VWA7: variants seen among roughly 807,000 people sequenced by gnomAD.
VWA7 encodes von Willebrand factor A domain-containing protein 7.
VWA7 carries 66 observed loss-of-function variants against 83.1 expected under a neutral mutation model. The observed-to-expected ratio is 0.79, with a 90% CI of 0.65 to 0.98. The LOEUF (loss-of-function observed/expected upper bound fraction) is 0.98, where lower values mean the gene tolerates loss of function less well. Ranked by LOEUF, VWA7 falls within the 50% of genes least tolerant of loss-of-function variation. VWA7 has a pLI of 0.00. For synonymous variants in VWA7, 424 were observed against 488.5 expected (o/e 0.87, Z 1.74); for missense variants, 1,080 against 1,160.2 (o/e 0.93, Z 1.00).
Position 31,775,930 on chromosome 6 carries a change from A to AC in VWA7, c.513+33dup. 4.4e-6 allele frequency: 7 copies of AC among 1,574,690 alleles called. No homozygotes were observed. The highest frequency in any genetic ancestry group is 1.4e-5 in the African/African-American group (1 of 73,858). ...ATCCCGGACAGGCACGGAAGTGAAG[A>AC]CCCCTCTGACCATCAACCCAACCCT... On this transcript the variant is annotated intron_variant, in intron 3 of 16. Coordinates refer to ENST00000375688, the MANE Select transcript of VWA7 (RefSeq NM_025258.3). This position sits in a 1 kb window ranked among gnomAD's most constrained non-coding sequence, Gnocchi z 5.9.
chr6:31,766,682 G>C lies in VWA7; in HGVS notation c.1965C>G (p.His655Gln). Residue 655 changes from histidine to glutamine, a missense_variant, in exon 14 of 17, where the codon CAC becomes CAG. Transcript: ENST00000375688. The surrounding 1 kb of genome is among the most constrained non-coding windows in gnomAD (Gnocchi z 4.9). ...NPGDPQPHFS[H>Q]VILRGVPEGA... ...CCTCTGGGACCCCTCGAAGGATGACGTGGGAGAAATGCGGCTGAGGATCCC... is the reference window on the plus strand; with the variant it reads ...CCTCTGGGACCCCTCGAAGGATGACCTGGGAGAAATGCGGCTGAGGATCCC... 1 of 1,612,768 alleles carries C rather than the reference G, an allele frequency of 6.2e-7. No homozygotes were observed. The highest frequency in any genetic ancestry group is 1.1e-5 in the South Asian group (1 of 91,080).
In VWA7 at chr6:31,766,253, G is replaced by C; in HGVS notation, c.2316C>G (p.Asn772Lys). The change falls in exon 15 of 17, where the codon AAC (asparagine) becomes AAG (lysine). Residue 772 changes from asparagine (N) to lysine (K), a missense_variant. Asn to Lys is a moderately conservative substitution (Grantham distance 94). Coordinates refer to ENST00000375688, the MANE Select transcript of VWA7 (RefSeq NM_025258.3). This position sits in a 1 kb window ranked among gnomAD's most constrained non-coding sequence, Gnocchi z 4.9. ...GGGTTCATGAGCCTCACCTGGAGAG[G>C]TTGGAGGTGAGGGAGAAGCTGGGGT... ...FVNPSFSLTS[N>K]LSRAHLELNE... 6.2e-7 allele frequency: 1 copy of C among 1,612,358 alleles called. No homozygotes were observed. Among genetic ancestry groups the C allele is most frequent in the Non-Finnish European group, 8.5e-7 (1 of 1,179,932 alleles).
Position 31,765,673 on chromosome 6 carries a change from C to A in VWA7, c.2597G>T (p.Gly866Val). 1 of 1,604,158 alleles carries A rather than the reference C, an allele frequency of 6.2e-7. No individual in the cohort carries two copies. Among genetic ancestry groups the A allele is most frequent in the Non-Finnish European group, 8.5e-7 (1 of 1,175,932 alleles). Reference sequence around the variant, plus strand: ...GGGGCTGCCCGCAGCCAGCCCTGCCCCAGCCCTGCCTTGAGTCACCAATGT... The same window carrying A: ...GGGGCTGCCCGCAGCCAGCCCTGCCACAGCCCTGCCTTGAGTCACCAATGT... Reference protein sequence around the residue: ...PFTLVTQGRAGAGLAAGSPWW... With the variant: ...PFTLVTQGRAVAGLAAGSPWW... Residue 866 changes from glycine (G) to valine (V), a missense_variant, in exon 17 of 17, where the codon GGG (glycine) becomes GTG (valine). Coordinates refer to ENST00000375688, the MANE Select transcript of VWA7 (RefSeq NM_025258.3).
In VWA7 at chr6:31,766,472, G is replaced by C. The variant is rs776034346; in HGVS notation, c.2175C>G (p.Val725=). The change falls in exon 14 of 17, where the codon GTC becomes GTG. Residue 725 remains valine (V), a synonymous_variant. Transcript: ENST00000375688. The surrounding 1 kb of genome is among the most constrained non-coding windows in gnomAD (Gnocchi z 4.9). ...AAPQPSTVVP[V]LLELSGPSGF... ...TCCCCTGGCGTCTCACCTCCAGAAG[G>C]ACAGGGACTACAGTGCTAGGCTGAG... The C allele has an allele frequency of 6.3e-7, 1 of 1,596,484 alleles. No individual in the cohort carries two copies. The highest frequency in any genetic ancestry group is 1.1e-5 in the South Asian group (1 of 89,380).
In VWA7 at chr6:31,773,532, C is replaced by G; in HGVS notation, c.722-95G>C. The G allele has an allele frequency of 8.0e-7, 1 of 1,246,916 alleles. No individual in the cohort carries two copies. Among genetic ancestry groups the G allele is most frequent in the Non-Finnish European group, 1.1e-6 (1 of 919,988 alleles). The allele number at this position is 1,246,916 out of a possible 1,614,324, so 77.2% of individuals were successfully genotyped here. ...TTCAGGCCTGGCCTGACCCTCTCAC[C>G]CCTCAGCAAGGGTTCAGCAAGAAAT... On this transcript the variant is annotated intron_variant, in intron 5 of 16. Coordinates refer to ENST00000375688, the MANE Select transcript of VWA7 (RefSeq NM_025258.3). This position sits in a 1 kb window ranked among gnomAD's most constrained non-coding sequence, Gnocchi z 5.3.
Position 31,776,486 on chromosome 6 carries a change from T to C in VWA7, c.234+60A>G. 7.1e-7 allele frequency: 1 copy of C among 1,414,402 alleles called. No individual in the cohort carries two copies. Among genetic ancestry groups the C allele is most frequent in the Non-Finnish European group, 9.6e-7 (1 of 1,045,932 alleles). The allele number at this position is 1,414,402 out of a possible 1,614,324, so 87.6% of individuals were successfully genotyped here. ...CTTGGCAACCAGAGCCCTCAAGGAG[T>C]AGAGGCCCCATGGAATTGGGGACTC... On this transcript the variant is annotated intron_variant, in intron 2 of 16. Transcript: ENST00000375688. The surrounding 1 kb of genome is among the most constrained non-coding windows in gnomAD (Gnocchi z 6.2).
Position 31,766,583 on chromosome 6 carries a change from C to G in VWA7, c.2064G>C (p.Ser688=). The part of the protein sequence containing the change: ...PERGLLAASL[S]PTLLSTPRPF... Reference sequence around the variant, plus strand: ...GTCTAGGGGTGGACAGCAGCGTGGGCGACAGCGAGGCTGCGAGGAGACCTC... The same window carrying G: ...GTCTAGGGGTGGACAGCAGCGTGGGGGACAGCGAGGCTGCGAGGAGACCTC... The change falls in exon 14 of 17, where the codon TCG becomes TCC. Residue 688 remains serine (S), a synonymous_variant. Coordinates refer to ENST00000375688, the MANE Select transcript of VWA7 (RefSeq NM_025258.3). This position sits in a 1 kb window ranked among gnomAD's most constrained non-coding sequence, Gnocchi z 4.9. 6.2e-7 allele frequency: 1 copy of G among 1,612,920 alleles called. No individual in the cohort carries two copies. Among genetic ancestry groups the G allele is most frequent in the Non-Finnish European group, 8.5e-7 (1 of 1,180,016 alleles).
In VWA7 at chr6:31,769,234, G is replaced by T; in HGVS notation, c.1318-31C>A. On this transcript the variant is annotated intron_variant, in intron 9 of 16. Transcript: ENST00000375688. This position sits in a 1 kb window ranked among gnomAD's most constrained non-coding sequence, Gnocchi z 4.5. ...CCCAGAAGAGAGCTCAGTGATTGGG[G>T]TGTCCAAGTGCCATCCACTATTATG... 1 of 1,596,988 alleles carries T rather than the reference G, an allele frequency of 6.3e-7. No individual in the cohort carries two copies. The highest frequency in any genetic ancestry group is 8.5e-7 in the Non-Finnish European group (1 of 1,171,480).
intron 10 of VWA7, among the ~76,000 whole-genome samples, chr6:31,768,374 C>G (rs1387048947): frequency 1.3e-5 from 2 of 151,754 alleles, no homozygotes; most frequent in African/African-American, 4.8e-5. Flanking sequence ...CCTGGGAGAC[C>G]AAGGCAGGAG....
Position 31,766,667 on chromosome 6 carries a change from C to T in VWA7, c.1980G>A (p.Gly660=). 1 of 1,612,922 alleles carries T rather than the reference C, an allele frequency of 6.2e-7. No homozygotes were observed. The highest frequency in any genetic ancestry group is 1.7e-5 in the Admixed American group (1 of 60,014). Residue 660 remains glycine, a synonymous_variant, in exon 14 of 17, where the codon GGG becomes GGA. Coordinates refer to ENST00000375688, the MANE Select transcript of VWA7 (RefSeq NM_025258.3). This position sits in a 1 kb window ranked among gnomAD's most constrained non-coding sequence, Gnocchi z 4.9. ...QPHFSHVILR[G]VPEGAELGQV... ...GGCCTAGTTCGGCACCCTCTGGGAC[C>T]CCTCGAAGGATGACGTGGGAGAAAT...
chr6:31,772,557 ATCTTTTCTTTTTTTTTTCTT>A (rs1274180136), intron 7 of VWA7, among the ~76,000 whole-genome samples: 11 of 58,646 alleles, frequency 1.9e-4, no homozygotes, highest in East Asian at 1.2e-3. Context: ...TTACCTTTTT[ATCTTTTCTTTTTTTTTTCTT>A]TCTTTTCTTT....
Position 31,773,519 on chromosome 6 carries a change from C to T in VWA7, c.722-82G>A. On this transcript the variant is annotated intron_variant, in intron 5 of 16. Coordinates refer to ENST00000375688, the MANE Select transcript of VWA7 (RefSeq NM_025258.3). This position sits in a 1 kb window ranked among gnomAD's most constrained non-coding sequence, Gnocchi z 5.3. ...AAAATGAGGCCCTTTCAGGCCTGGC[C>T]TGACCCTCTCACCCCTCAGCAAGGG... 2 of 1,339,594 alleles carry T rather than the reference C, an allele frequency of 1.5e-6. No individual in the cohort carries two copies. The highest frequency in any genetic ancestry group is 3.0e-5 in the African/African-American group (2 of 67,538). 83.0% of individuals were successfully genotyped at this position (1,339,594 alleles called of 1,614,324 possible).
Position 31,776,853 on chromosome 6 carries a change from G to T in VWA7, c.-15-59C>A. 1 of 1,018,544 alleles carries T rather than the reference G, an allele frequency of 9.8e-7. No homozygotes were observed. Among genetic ancestry groups the T allele is most frequent in the Non-Finnish European group, 1.4e-6 (1 of 740,252 alleles). The allele number at this position is 1,018,544 out of a possible 1,614,324, so 63.1% of individuals were successfully genotyped here. A position where few individuals can be genotyped will look rare whatever the true frequency, so the allele number is the denominator to read the frequency against. On this transcript the variant is annotated intron_variant, in intron 1 of 16. Coordinates refer to ENST00000375688, the MANE Select transcript of VWA7 (RefSeq NM_025258.3). This position sits in a 1 kb window ranked among gnomAD's most constrained non-coding sequence, Gnocchi z 6.2. ...GCAGCCGCGATTCCAGGGCAGGCCGGCTCTGCGGGTCTCCATGGGAACCTG... is the reference window on the plus strand; with the variant it reads ...GCAGCCGCGATTCCAGGGCAGGCCGTCTCTGCGGGTCTCCATGGGAACCTG...
Position 31,765,803 on chromosome 6 carries a change from G to A in VWA7, c.2500-33C>T, listed in dbSNP as rs369041412. On this transcript the variant is annotated intron_variant, in intron 16 of 16. Transcript: ENST00000375688. ...GAAAAGGAAGAGAATGACAGGGTGT[G>A]CTAGAGCTGTACTCAAATTAAACCT... The A allele has an allele frequency of 1.4e-5, 23 of 1,591,486 alleles. No individual in the cohort carries two copies. In the African/African-American group the frequency reaches 3.1e-4, roughly 21 times the overall value.
At chr6:31,770,374 T>C (rs1308751724) in intron 7 of VWA7, among the ~76,000 whole-genome samples, 3 of 151,404 alleles carry the variant, frequency 2.0e-5, no homozygotes, top group Non-Finnish European at 4.4e-5. Context: ...ACCTCGTCTC[T>C]ACTAAAAAAT....
In VWA7 at chr6:31,766,235, T is replaced by G; in HGVS notation, c.2324+10A>C. 1 of 1,611,770 alleles carries G rather than the reference T, an allele frequency of 6.2e-7. No individual in the cohort carries two copies. Among genetic ancestry groups the G allele is most frequent in the Non-Finnish European group, 8.5e-7 (1 of 1,179,786 alleles). ...ATGCCAGAGGGAGCTGGAGGGTTCATGAGCCTCACCTGGAGAGGTTGGAGG... is the reference window on the plus strand; with the variant it reads ...ATGCCAGAGGGAGCTGGAGGGTTCAGGAGCCTCACCTGGAGAGGTTGGAGG... On this transcript the variant is annotated intron_variant, in intron 15 of 16. Coordinates refer to ENST00000375688, the MANE Select transcript of VWA7 (RefSeq NM_025258.3). The surrounding 1 kb of genome is among the most constrained non-coding windows in gnomAD (Gnocchi z 4.9).
chr6:31,776,108 G>T lies in VWA7; in HGVS notation c.369C>A (p.Asp123Glu), dbSNP rs376878448. 1.2e-6 allele frequency: 2 copies of T among 1,614,054 alleles called. No homozygotes were observed. Among genetic ancestry groups the T allele is most frequent in the African/African-American group, 2.7e-5 (2 of 75,042 alleles). ...AQDFLPTSRN[D>E]PDLHFDAERL... ...GCTCAGCATCAAAGTGCAGGTCGGG[G>T]TCATTCCTGGAAGTTGGCAGGAAGT... Residue 123 changes from aspartate to glutamate, a missense_variant, in exon 3 of 17, where the codon GAC (aspartate) becomes GAA (glutamate). By Grantham distance (45) the Asp-to-Glu change is conservative. Transcript: ENST00000375688. The surrounding 1 kb of genome is among the most constrained non-coding windows in gnomAD (Gnocchi z 6.2).
In VWA7 at chr6:31,769,685, C is replaced by T. The variant is rs1239208515; in HGVS notation, c.1307G>A (p.Arg436Gln). Reference protein sequence around the residue: ...TNQVESLTQERRCRVTFLVTE... With the variant: ...TNQVESLTQEQRCRVTFLVTE... ...ACTAGCTCTGCTCACCCGGCAGCGC[C>T]GCTCCTGAGTCAGGGATTCCACCTG... is the stretch of plus-strand genomic sequence containing the variant. The change falls in exon 9 of 17, where the codon CGG becomes CAG. Residue 436 changes from arginine to glutamine, a missense_variant. Physicochemically the swap from Arg to Gln is conservative, Grantham distance 43 (BLOSUM62 1). Transcript: ENST00000375688. The surrounding 1 kb of genome is among the most constrained non-coding windows in gnomAD (Gnocchi z 4.5). The T allele has an allele frequency of 8.1e-6, 13 of 1,612,912 alleles. No homozygotes were observed. Among genetic ancestry groups the T allele is most frequent in the South Asian group, 6.6e-5 (6 of 91,082 alleles).
rs1015124087 is a variant in VWA7, at chr6:31,776,403, C to T, written c.234+143G>A. On this transcript the variant is annotated intron_variant, in intron 2 of 16. Coordinates refer to ENST00000375688, the MANE Select transcript of VWA7 (RefSeq NM_025258.3). The surrounding 1 kb of genome is among the most constrained non-coding windows in gnomAD (Gnocchi z 6.2). ...TTCTAAGGAGGGGGACTCCTAATTT[C>T]AGGACCAAGACTACTGGGTATTATT... is the stretch of plus-strand genomic sequence containing the variant. The T allele has an allele frequency of 3.6e-5, 45 of 1,259,052 alleles. 3 individuals are homozygous for T. Among genetic ancestry groups the T allele is most frequent in the East Asian group, 2.3e-4 (9 of 39,336 alleles). The allele number at this position is 1,259,052 out of a possible 1,614,324, so 78.0% of individuals were successfully genotyped here.
Sources: gnomAD v4.1 joint callset for allele counts (sites outside exome capture counted in the v4.1 genomes callset) on GRCh38, gnomAD v4.1.1 for gene constraint, Gnocchi (gnomAD v3.1) non-coding constraint, MANE v1.5 for transcripts, NCBI Gene and HGNC (gene_info 2026-07-23, HGNC 2026-07-21) for gene names.